The following DLG2 variants were observed in gnomAD, a reference collection of about 807,000 sequenced individuals.
DLG2 encodes the protein disks large homolog 2.
DLG2 carries 45 observed loss-of-function variants against 132.5 expected under a neutral mutation model. That is an observed-to-expected ratio of 0.34 (90% CI 0.27 to 0.44). The LOEUF is 0.44. DLG2 is among the 20% of genes least tolerant of loss of function. DLG2 has a pLI of 1.00. For missense variants in DLG2, 1,045 were observed against 1,196.9 expected, an observed-to-expected ratio of 0.87 and a Z score of 1.87; for synonymous variants, 424 against 419.6, an observed-to-expected ratio of 1.01 and a Z score of -0.13.
intron 3 of DLG2, among the ~76,000 whole-genome samples, chr11:85,566,552 C>G (rs949231243): frequency 1.3e-5 from 2 of 152,026 alleles, no homozygotes; most frequent in Admixed American, 6.6e-5. Flanking sequence ...CTGATGAGGG[C>G]TCTCTTCAGG....
At chr11:84,790,417 C>T (rs1024078991) in intron 6 of DLG2, among the ~76,000 whole-genome samples, 2 of 151,974 alleles carry the variant, frequency 1.3e-5, no homozygotes, top group Non-Finnish European at 2.9e-5. Context: ...ATCTTTTGCC[C>T]ATTTTTAATC....
intron 5 of DLG2, among the ~76,000 whole-genome samples, chr11:85,142,771 A>G (rs1165169930): frequency 6.6e-6 from 1 of 151,768 alleles, no homozygotes; most frequent in African/African-American, 2.4e-5. Flanking sequence ...TTTGTCACGA[A>G]GAGATGTTGA....
At chr11:85,028,393 C>G (rs894320757) in intron 6 of DLG2, among the ~76,000 whole-genome samples, 3 of 152,162 alleles carry the variant, frequency 2.0e-5, no homozygotes, top group Admixed American at 2.0e-4. Flanking sequence ...TGCTTCAGGC[C>G]GTTCTTGGCT....
intron 7 of DLG2, among the ~76,000 whole-genome samples, chr11:84,401,727 A>G (rs2098830082): frequency 6.6e-6 from 1 of 152,182 alleles, no homozygotes. Context: ...GAACTGAGTC[A>G]TCTTTTTAGC....
chr11:84,173,544 T>G (rs1596601700), intron 8 of DLG2, among the ~76,000 whole-genome samples: 1 of 152,276 alleles, frequency 6.6e-6, no homozygotes, highest in South Asian at 2.1e-4. Context: ...AAAAACTGGG[T>G]GCTAAGCCAA....
At chr11:83,479,239 A>G (rs1162640692) in intron 22 of DLG2, among the ~76,000 whole-genome samples, 1 of 151,878 alleles carries the variant, frequency 6.6e-6, no homozygotes, top group African/African-American at 2.4e-5. Context: ...CCATCTTTCC[A>G]CTTTTGTGCT....
chr11:84,427,185 A>G (rs930425685), intron 7 of DLG2, among the ~76,000 whole-genome samples: 1 of 152,072 alleles, frequency 6.6e-6, no homozygotes, highest in African/African-American at 2.4e-5. Flanking sequence ...TTCTTTCTAG[A>G]ACTAGGCAGA....
At chr11:83,761,707 C>T (rs2093918025) in intron 18 of DLG2, among the ~76,000 whole-genome samples, 1 of 152,094 alleles carries the variant, frequency 6.6e-6, no homozygotes, top group Non-Finnish European at 1.5e-5. Flanking sequence ...CCTGTGCTTC[C>T]CCCTATTGGA....
At chr11:85,302,969 G>C (rs796485836) in intron 3 of DLG2, among the ~76,000 whole-genome samples, 28 of 152,292 alleles carry the variant, frequency 1.8e-4, no homozygotes, top group African/African-American at 6.0e-4. Context: ...GGAAAATTGA[G>C]ACGGAGCAAA....
intron 6 of DLG2, among the ~76,000 whole-genome samples, chr11:84,848,639 C>T (rs970949004): frequency 3.3e-5 from 5 of 152,070 alleles, no homozygotes; most frequent in African/African-American, 1.2e-4. Flanking sequence ...AACTTGTGTC[C>T]CTGGTTCATA....
At chr11:84,615,903 C>T (rs942974485) in intron 6 of DLG2, among the ~76,000 whole-genome samples, 1 of 145,794 alleles carries the variant, frequency 6.9e-6, no homozygotes, top group African/African-American at 2.6e-5. Context: ...AATATCCATT[C>T]AACATATGTC....
intron 9 of DLG2, among the ~76,000 whole-genome samples, chr11:84,110,555 C>T (rs560510076): frequency 6.6e-6 from 1 of 152,214 alleles, no homozygotes; most frequent in South Asian, 2.1e-4. Context: ...CCAGAAAAGG[C>T]TAGAAGAGCT....
intron 6 of DLG2, among the ~76,000 whole-genome samples, chr11:84,783,301 A>G (rs1199468759): frequency 1.3e-5 from 2 of 152,128 alleles, no homozygotes; most frequent in Non-Finnish European, 2.9e-5. Context: ...CAACACTTAA[A>G]TAAAGTATTT....
chr11:85,026,222 C>G (rs1297810209), intron 6 of DLG2, among the ~76,000 whole-genome samples: 3 of 151,666 alleles, frequency 2.0e-5, no homozygotes, highest in African/African-American at 7.3e-5. Context: ...GTTATAGTAG[C>G]CAAAAGGTTC....
At chr11:84,765,771 C>A (rs940715025) in intron 6 of DLG2, among the ~76,000 whole-genome samples, 3 of 151,954 alleles carry the variant, frequency 2.0e-5, no homozygotes, top group African/African-American at 7.2e-5. Context: ...GTTCAGCATT[C>A]TAGGTCACTT....
chr11:83,818,912 C>A (rs937466165), intron 17 of DLG2, among the ~76,000 whole-genome samples: 1 of 152,110 alleles, frequency 6.6e-6, no homozygotes, highest in African/African-American at 2.4e-5. Flanking sequence ...CCAGAGATAC[C>A]TGACGTTCAT....
intron 8 of DLG2, among the ~76,000 whole-genome samples, chr11:84,203,379 G>A (rs907275666): frequency 6.6e-6 from 1 of 152,026 alleles, no homozygotes; most frequent in Non-Finnish European, 1.5e-5. Context: ...TTAGGAGATG[G>A]AGACCATCCT....
intron 3 of DLG2, among the ~76,000 whole-genome samples, chr11:85,597,322 T>C (rs534637213): frequency 1.5e-4 from 23 of 152,140 alleles, no homozygotes; most frequent in Admixed American, 2.0e-4. Context: ...TTAAGATACA[T>C]TGCCATTTAG....
chr11:84,966,402 C>G (rs2053352905), intron 6 of DLG2, among the ~76,000 whole-genome samples: 1 of 152,014 alleles, frequency 6.6e-6, no homozygotes, highest in African/African-American at 2.4e-5. Flanking sequence ...CCCTAGAACT[C>G]ATAGGTCCAT....
Sources: allele counts gnomAD v4.1 joint callset (sites outside exome capture counted in the v4.1 genomes callset), GRCh38; gene constraint gnomAD v4.1.1; transcripts MANE v1.5; gene names NCBI Gene and HGNC (gene_info 2026-07-23, HGNC 2026-07-21).